The following CCDC39 variants were observed in gnomAD, a reference collection of about 807,000 sequenced individuals.
CCDC39 encodes the protein coiled-coil domain 39 molecular ruler complex subunit.
A neutral mutation model predicts 121.0 loss-of-function variants in CCDC39; 113 were observed. The observed-to-expected ratio is 0.93, with a 90% CI of 0.80 to 1.09. CCDC39 has a LOEUF of 1.09. CCDC39 is among the 50% of genes least tolerant of loss of function. CCDC39 has a pLI of 0.00. For missense variants in CCDC39, 1,063 were observed against 1,074.7 expected (o/e 0.99, Z 0.15); for synonymous variants, 349 against 352.2 (o/e 0.99, Z 0.10).
Position 180,660,677 on chromosome 3 carries a change from T to C in CCDC39, c.409A>G (p.Asn137Asp). 6.2e-7 allele frequency: 1 copy of C among 1,602,956 alleles called. No individual in the cohort carries two copies. The highest frequency in any genetic ancestry group is 8.5e-7 in the Non-Finnish European group (1 of 1,173,866). The change falls in exon 4 of 20, where the codon AAC becomes GAC. Residue 137 changes from asparagine to aspartate, a missense_variant. Coordinates refer to ENST00000476379, the MANE Select transcript of CCDC39 (RefSeq NM_181426.2). Reference protein sequence around the residue: ...QKLDGLKCQMNWDQQALEAWL... With the variant: ...QKLDGLKCQMDWDQQALEAWL... ...GCCTCCAATGCTTGCTGGTCCCAGT[T>C]CATTTGACATTTCAAACCATCCAAT...
chr3:180,664,101 G>T, intron 1 of CCDC39, 115 bp from the exon 2 acceptor site: 1 of 888,568 alleles, frequency 1.1e-6, no homozygotes, highest in Non-Finnish European at 1.7e-6. Flanking sequence ...AATTTGGACT[G>T]CTATAACAAA....
In CCDC39 at chr3:180,642,202, C is replaced by A; in HGVS notation, c.1666-1G>T. On this transcript the variant is annotated splice_acceptor_variant, in intron 12 of 19. Transcript: ENST00000476379. LOFTEE classifies it high-confidence loss of function. ...AAAGATTGTCCTCTATCATCAAATCCTATCAACGTAACAAAATGGTCAAAT... is the reference window on the plus strand; with the variant it reads ...AAAGATTGTCCTCTATCATCAAATCATATCAACGTAACAAAATGGTCAAAT... 1 of 1,556,560 alleles carries A rather than the reference C, an allele frequency of 6.4e-7. No individual in the cohort carries two copies. Among genetic ancestry groups the A allele is most frequent in the Non-Finnish European group, 8.7e-7 (1 of 1,150,534 alleles).
At chr3:180,644,917 G>C (rs1245104482) in intron 11 of CCDC39, among the ~76,000 whole-genome samples, 1 of 152,078 alleles carries the variant, frequency 6.6e-6, no homozygotes, top group African/African-American at 2.4e-5. Context: ...GCATACACCA[G>C]TTCATCACAT....
intron 1 of CCDC39, among the ~76,000 whole-genome samples, chr3:180,673,797 A>T (rs570186448): frequency 6.6e-6 from 1 of 152,224 alleles, no homozygotes; most frequent in East Asian, 1.9e-4. Context: ...TGGAAAATAC[A>T]GCACTCCAGA....
intron 13 of CCDC39, among the ~76,000 whole-genome samples, chr3:180,631,927 C>A (rs1717706761): frequency 6.6e-6 from 1 of 152,164 alleles, no homozygotes; most frequent in Admixed American, 6.5e-5. Flanking sequence ...AAGACACAAT[C>A]CCTGTTTCAG....
chr3:180,634,156 C>G (rs1717771726), intron 13 of CCDC39, among the ~76,000 whole-genome samples: 1 of 150,072 alleles, frequency 6.7e-6, no homozygotes, highest in South Asian at 2.2e-4. Context: ...CCCCACCCCA[C>G]CCCACCCCAC....
chr3:180,632,926 A>G (rs1489998820), intron 13 of CCDC39, among the ~76,000 whole-genome samples: 1 of 152,222 alleles, frequency 6.6e-6, no homozygotes, highest in Non-Finnish European at 1.5e-5. Context: ...TCCAATGATA[A>G]CCAAAAAATT....
intron 7 of CCDC39, among the ~76,000 whole-genome samples, chr3:180,654,103 C>T (rs1488897077): frequency 4.1e-5 from 6 of 147,648 alleles, no homozygotes; most frequent in African/African-American, 7.5e-5. Context: ...ATAGAGAACC[C>T]GGAAATAAAC....
chr3:180,642,378 G>A (rs1328323485), intron 12 of CCDC39, among the ~76,000 whole-genome samples, 177 bp from the exon 13 acceptor site: 2 of 151,316 alleles, frequency 1.3e-5, no homozygotes, highest in African/African-American at 2.4e-5. Context: ...TTAAGAAAAG[G>A]GTTTATAGTT....
intron 11 of CCDC39, among the ~76,000 whole-genome samples, chr3:180,644,700 A>G (rs529227246): frequency 6.6e-6 from 1 of 152,334 alleles, no homozygotes; most frequent in East Asian, 1.9e-4. Flanking sequence ...TACTTATGTA[A>G]TAAAATGTAA....
intron 14 of CCDC39, among the ~76,000 whole-genome samples, chr3:180,623,147 T>C (rs1315187699): frequency 6.6e-6 from 1 of 150,454 alleles, no homozygotes; most frequent in African/African-American, 2.4e-5. Context: ...ATTATCGGTT[T>C]ATTCGGGATT....
intron 1 of CCDC39, among the ~76,000 whole-genome samples, chr3:180,677,713 T>C (rs1712275923): frequency 6.6e-6 from 1 of 152,150 alleles, no homozygotes; most frequent in African/African-American, 2.4e-5. Context: ...TATATATAAT[T>C]CCATTATAAT....
intron 9 of CCDC39, among the ~76,000 whole-genome samples, chr3:180,648,636 T>C (rs1718130467): frequency 6.6e-6 from 1 of 152,136 alleles, no homozygotes; most frequent in South Asian, 2.1e-4. Context: ...TTGGTCATTC[T>C]ACTGATTTCC....
intron 1 of CCDC39, among the ~76,000 whole-genome samples, chr3:180,675,805 C>T (rs1712182368): frequency 6.6e-6 from 1 of 151,938 alleles, no homozygotes; most frequent in African/African-American, 2.4e-5. Context: ...AGATATAGAC[C>T]AATGGAACAG....
chr3:180,642,152 C>T lies in CCDC39; in HGVS notation c.1715G>A (p.Arg572Gln), dbSNP rs540660862. ...NLLKLEVKRT[R>Q]EMLHSKAEEV... ...TTCTGCCTTACTGTGAAGCATTTCT[C>T]GAGTACGCTTAACTTCAAGTTTTAA... The change falls in exon 13 of 20, where the codon CGA becomes CAA. Residue 572 changes from arginine (R) to glutamine (Q), a missense_variant. Transcript: ENST00000476379. 9 of 1,611,196 alleles carry T rather than the reference C, an allele frequency of 5.6e-6. No individual in the cohort carries two copies. The highest frequency in any genetic ancestry group is 4.4e-5 in the South Asian group (4 of 90,666).
At chr3:180,673,809 G>A (rs1712115078) in intron 1 of CCDC39, among the ~76,000 whole-genome samples, 1 of 151,946 alleles carries the variant, frequency 6.6e-6, no homozygotes, top group African/African-American at 2.4e-5. Context: ...CACTCCAGAA[G>A]GAAGTGGGTG....
intron 19 of CCDC39, among the ~76,000 whole-genome samples, 199 bp downstream of exon 19, chr3:180,616,082 C>G (rs915613802): frequency 3.7e-4 from 56 of 152,294 alleles, no homozygotes; most frequent in African/African-American, 1.3e-3. Context: ...CAGCAGAAGT[C>G]AGAAGGAAAT....
In CCDC39 at chr3:180,648,331, T is replaced by C; in HGVS notation, c.1196A>G (p.Lys399Arg). The change falls in exon 10 of 20, where the codon AAA becomes AGA. Residue 399 changes from lysine (K) to arginine (R), a missense_variant. Lys to Arg is a conservative substitution (Grantham distance 26). Transcript: ENST00000476379. ...CTGAGCTTTCTTAAACAGCACACCT[T>C]TTATGAGGTTCAGTTGAACATCTAC... Reference protein sequence around the residue: ...KEVDVQLNLIKGVLFKKAQEL... With the variant: ...KEVDVQLNLIRGVLFKKAQEL... The C allele has an allele frequency of 6.3e-7, 1 of 1,589,206 alleles. No homozygotes were observed. The highest frequency in any genetic ancestry group is 1.4e-5 in the African/African-American group (1 of 73,834).
At chr3:180,617,485 A>G in intron 16 of CCDC39, 1 of 685,584 alleles carries the variant, frequency 1.5e-6, no homozygotes, top group South Asian at 1.6e-5. Flanking sequence ...AGCTCCATTC[A>G]TGTTACTGAC....
Sources: allele counts gnomAD v4.1 joint callset (sites outside exome capture counted in the v4.1 genomes callset), GRCh38; gene constraint gnomAD v4.1.1; transcripts MANE v1.5; gene names NCBI Gene and HGNC (gene_info 2026-07-23, HGNC 2026-07-21).